The following DOCK11 variants were observed in gnomAD, a reference collection of about 807,000 sequenced individuals.
The protein encoded by DOCK11 is dedicator of cytokinesis 11, also known as dedicator of cytokinesis protein 11.
DOCK11 carries 70 observed loss-of-function variants against 169.1 expected under a neutral mutation model. The observed-to-expected ratio is 0.41, with a 90% CI of 0.34 to 0.51. DOCK11 has a LOEUF of 0.51. Ranked by LOEUF, DOCK11 falls within the 20% of genes least tolerant of loss-of-function variation. The pLI, the probability that DOCK11 is intolerant of heterozygous loss-of-function variation, is 0.10. For missense variants in DOCK11, 1,166 were observed against 1,538.8 expected (o/e 0.76, Z 4.05); for synonymous variants, 529 against 541.3 (o/e 0.98, Z 0.32).
chrX:118,598,394 TAA>T (rs35643381), intron 22 of DOCK11, among the ~76,000 whole-genome samples: 3,734 of 96,100 alleles, frequency 0.039, 156 homozygotes, highest in African/African-American at 0.12. Flanking sequence ...CCCTGTCTCT[TAA>T]AAAAAAAAAA....
rs1196811917 is a variant in DOCK11, at chrX:118,626,259, G to T, written c.3589-1245G>T. ...TTTTTTTGTACTTTTAGTAGAGACG[G>T]GGGGTTTCACCATGTTGGCCAAGCT... On this transcript the variant is annotated intron_variant, in intron 32 of 52. Transcript: ENST00000276202. 2.0e-4 allele frequency among the ~76,000 whole-genome samples: 5 copies of T among 24,658 alleles called. No individual in the cohort carries two copies. The Admixed American group carries it at 2.9e-3, about 14-fold the overall frequency. The allele number at this position is 24,658 out of a possible 115,157, so 21.4% of individuals were successfully genotyped here. A position where few individuals can be genotyped will look rare whatever the true frequency, so the allele number is the denominator to read the frequency against.
intron 6 of DOCK11, among the ~76,000 whole-genome samples, chrX:118,560,593 A>C (rs1388973939): frequency 8.9e-6 from 1 of 112,091 alleles, no homozygotes; most frequent in Non-Finnish European, 1.9e-5. Context: ...TACTGAAAGA[A>C]GCATCAATTC....
intron 9 of DOCK11, 83 bp downstream of exon 9, chrX:118,566,736 G>C: frequency 1.1e-6 from 1 of 886,689 alleles, no homozygotes; most frequent in Non-Finnish European, 1.6e-6. Flanking sequence ...ATTCCATTTG[G>C]CAATGTCATT....
At chrX:118,608,642 T>C (rs2014601174) in intron 26 of DOCK11, among the ~76,000 whole-genome samples, 1 of 111,908 alleles carries the variant, frequency 8.9e-6, no homozygotes, top group Admixed American at 9.5e-5. Context: ...TGGGGCCAGG[T>C]ATTTAACATT....
At chrX:118,673,726 A>G (rs1039689229) in intron 46 of DOCK11, among the ~76,000 whole-genome samples, 3 of 111,197 alleles carry the variant, frequency 2.7e-5, no homozygotes, top group African/African-American at 9.8e-5. Context: ...ATCATTCTCA[A>G]TATGCACCCA....
chrX:118,535,505 GT>G lies in DOCK11; in HGVS notation c.103-7219del, dbSNP rs779871789. ...TTTTTGATCCTGCCTAGGAGACTAA[GT>G]AAACCACCCAAAAAGCAGTTAAGTA... On this transcript the variant is annotated intron_variant, in intron 1 of 52. Transcript: ENST00000276202. Among the ~76,000 whole-genome samples, 19 of 111,812 alleles carry G rather than the reference GT, an allele frequency of 1.7e-4. 1 individual carries two copies. The highest frequency in any genetic ancestry group is 2.1e-4 in the Non-Finnish European group (11 of 53,143).
intron 39 of DOCK11, among the ~76,000 whole-genome samples, chrX:118,641,903 C>T (rs1341782234): frequency 1.8e-5 from 2 of 111,226 alleles, no homozygotes; most frequent in African/African-American, 6.6e-5. Flanking sequence ...TGCTTGCTTT[C>T]ACTTCAGTTA....
intron 6 of DOCK11, among the ~76,000 whole-genome samples, chrX:118,547,172 T>C (rs1405276638): frequency 9.0e-6 from 1 of 111,578 alleles, no homozygotes; most frequent in African/African-American, 3.3e-5. Context: ...ATACCAAATA[T>C]AACTGTTCTT....
rs751727533 is a variant in DOCK11 at position 118,546,851 on chromosome X, G to A, written c.558+735G>A. Among the ~76,000 whole-genome samples, 8 of 111,223 alleles carry A rather than the reference G, an allele frequency of 7.2e-5. No individual in the cohort carries two copies. The South Asian group carries it at 1.5e-3, about 21-fold the overall frequency. Reference sequence around the variant, plus strand: ...CAAAAACTACAAAAATTAGCCTGGCGTGATAGCACACACCTGTAGTCCCAG... The same window carrying A: ...CAAAAACTACAAAAATTAGCCTGGCATGATAGCACACACCTGTAGTCCCAG... On this transcript the variant is annotated intron_variant, in intron 6 of 52. Coordinates refer to ENST00000276202, the MANE Select transcript of DOCK11 (RefSeq NM_144658.4).
intron 32 of DOCK11, among the ~76,000 whole-genome samples, chrX:118,625,169 T>C (rs1408511673): frequency 5.5e-5 from 6 of 109,481 alleles, no homozygotes; most frequent in Non-Finnish European, 9.5e-5. Context: ...GTTTTTTTTT[T>C]TTTGAGACAG....
chrX:118,548,152 A>T lies in DOCK11; in HGVS notation c.558+2036A>T, dbSNP rs747831604. 8.9e-5 allele frequency among the ~76,000 whole-genome samples: 10 copies of T among 112,828 alleles called. No individual in the cohort carries two copies. In the South Asian group the frequency reaches 3.6e-3, roughly 41 times the overall value. On this transcript the variant is annotated intron_variant, in intron 6 of 52. Coordinates refer to ENST00000276202, the MANE Select transcript of DOCK11 (RefSeq NM_144658.4). ...CAAAAATCTGGATTCATAAAATAAG[A>T]TGTTAGGAAATTAATATCTTTACAG...
At chrX:118,628,765 T>A (rs1344286507) in intron 34 of DOCK11, among the ~76,000 whole-genome samples, 1 of 112,861 alleles carries the variant, frequency 8.9e-6, no homozygotes, top group Non-Finnish European at 1.9e-5. Context: ...ACCATTAAAG[T>A]TTGAGATGTG....
At position 118,618,651 on chromosome X, in the gene DOCK11, G is replaced by A; in HGVS notation, c.3394G>A (p.Glu1132Lys). 8.3e-7 allele frequency: 1 copy of A among 1,207,186 alleles called. No homozygotes were observed. The highest frequency in any genetic ancestry group is 1.1e-6 in the Non-Finnish European group (1 of 891,995). ...TTCCATTGCTCTTCAGGACAATTAT[G>A]AGATCAGATATACAGCTATCTCTGT... The part of the protein sequence containing the change: ...ETSIALQDNY[E>K]IRYTAISVIK... Residue 1132 changes from glutamate (E) to lysine (K), a missense_variant, in exon 31 of 53, where the codon GAG becomes AAG. Coordinates refer to ENST00000276202, the MANE Select transcript of DOCK11 (RefSeq NM_144658.4).
At chrX:118,637,182 T>A (rs1269449449) in intron 36 of DOCK11, among the ~76,000 whole-genome samples, 1 of 110,662 alleles carries the variant, frequency 9.0e-6, no homozygotes, top group African/African-American at 3.3e-5. Context: ...TATTTACTAA[T>A]GAAAATATCT....
chrX:118,523,201 A>T (rs2011301102), intron 1 of DOCK11, among the ~76,000 whole-genome samples: 1 of 112,169 alleles, frequency 8.9e-6, no homozygotes, highest in Non-Finnish European at 1.9e-5. Flanking sequence ...AATGGCTTTG[A>T]GGGTAGGACA....
chrX:118,573,298 G>T (rs1317089720), intron 11 of DOCK11, among the ~76,000 whole-genome samples: 1 of 112,606 alleles, frequency 8.9e-6, no homozygotes, highest in African/African-American at 3.2e-5. Context: ...TCTTTCAAAT[G>T]CCATCTGTAG....
At chrX:118,684,645 G>T (rs2016820980) in intron 52 of DOCK11, among the ~76,000 whole-genome samples, 1 of 111,460 alleles carries the variant, frequency 9.0e-6, no homozygotes, top group Admixed American at 9.6e-5. Flanking sequence ...AGAGTTGGGG[G>T]TGGTCATTGT....
At chrX:118,565,595 T>C (rs1359264548) in intron 7 of DOCK11, among the ~76,000 whole-genome samples, 1 of 112,152 alleles carries the variant, frequency 8.9e-6, no homozygotes, top group Non-Finnish European at 1.9e-5. Context: ...CAGGTCATAT[T>C]TAAATTTTTT....
intron 14 of DOCK11, among the ~76,000 whole-genome samples, chrX:118,583,902 AT>A (rs1056425490): frequency 9.0e-6 from 1 of 111,471 alleles, no homozygotes; most frequent in African/African-American, 3.3e-5. Context: ...AAGAAAGTCT[AT>A]TTGTGTTCAG....
Sources: gnomAD v4.1 joint callset for allele counts (sites outside exome capture counted in the v4.1 genomes callset) on GRCh38, gnomAD v4.1.1 for gene constraint, MANE v1.5 for transcripts, NCBI Gene and HGNC (gene_info 2026-07-23, HGNC 2026-07-21) for gene names.